NAT1: variants seen among roughly 807,000 people sequenced by gnomAD.
The protein encoded by NAT1 is arylamine N-acetyltransferase 1.
For synonymous variants in NAT1, 144 were observed against 122.6 expected, an observed-to-expected ratio of 1.17 and a Z score of -1.16; for missense variants, 400 against 339.2, an observed-to-expected ratio of 1.18 and a Z score of -1.41.
At chr8:18,186,838 A>G (rs1290931775) in intron 2 of NAT1, among the ~76,000 whole-genome samples, 1 of 152,234 alleles carries the variant, frequency 6.6e-6, no homozygotes, top group African/African-American at 2.4e-5. Flanking sequence ...AGCAAAAGAA[A>G]CTATCAATAG....
chr8:18,202,415 T>C (rs1462383547), intron 2 of NAT1, among the ~76,000 whole-genome samples: 1 of 152,192 alleles, frequency 6.6e-6, no homozygotes, highest in Non-Finnish European at 1.5e-5. Flanking sequence ...TATAAAGCTA[T>C]TGTGTCCGGA....
intron 2 of NAT1, among the ~76,000 whole-genome samples, chr8:18,199,658 T>A (rs1002639986): frequency 6.6e-5 from 10 of 152,164 alleles, no homozygotes; most frequent in African/African-American, 2.4e-4. Context: ...AGGAATTGCT[T>A]TGGACTCAGA....
At chr8:18,210,016 G>T (rs899524917), upstream of NAT1, 11 of 152,124 alleles carry the variant, frequency 7.2e-5, no homozygotes, top group Non-Finnish European at 1.5e-4. Flanking sequence ...CATTTCCCAG[G>T]GGCCCCTGGG....
chr8:18,188,685 A>T (rs1044912882), intron 2 of NAT1, among the ~76,000 whole-genome samples: 1 of 151,978 alleles, frequency 6.6e-6, no homozygotes, highest in Non-Finnish European at 1.5e-5. Context: ...ATTGATATGT[A>T]ATAGATATAC....
At chr8:18,179,165 C>A (rs1345550205) in intron 2 of NAT1, among the ~76,000 whole-genome samples, 1 of 152,088 alleles carries the variant, frequency 6.6e-6, no homozygotes, top group African/African-American at 2.4e-5. Flanking sequence ...GGTGTCTGTT[C>A]CTTGCCTAAA....
At chr8:18,213,750 T>G (rs913588617) in intron 1 of NAT1, among the ~76,000 whole-genome samples, 10 of 152,150 alleles carry the variant, frequency 6.6e-5, no homozygotes, top group Admixed American at 6.5e-4. Flanking sequence ...GTGTTGACAG[T>G]ACTGGATTGG....
At chr8:18,179,873 C>T (rs2157652) in intron 2 of NAT1, among the ~76,000 whole-genome samples, 1 of 152,088 alleles carries the variant, frequency 6.6e-6, no homozygotes, top group Non-Finnish European at 1.5e-5. Flanking sequence ...CTGCCTGCCT[C>T]TAATGATTTG....
rs1491542210 is a variant in NAT1 at position 18,193,454 on chromosome 8, CTA to C, written n.93-16326_93-16325del. 1.7e-3 allele frequency among the ~76,000 whole-genome samples: 206 copies of C among 123,452 alleles called. 2 individuals are homozygous for C. The highest frequency in any genetic ancestry group is 1.7e-3 in the Non-Finnish European group (97 of 58,404). 81.0% of individuals were successfully genotyped at this position (123,452 alleles called of 152,430 possible). ...CCTGGGTGAGAGAGTGAGACTCTGT[CTA>C]AAAAAAAAAATTTATATATATATGT... On this transcript the variant is annotated intron_variant and non_coding_transcript_variant, in intron 2 of 4. Transcript: ENST00000517441.
chr8:18,206,840 G>T (rs1803747477), upstream of NAT1, among the ~76,000 whole-genome samples: 1 of 151,996 alleles, frequency 6.6e-6, no homozygotes, highest in Non-Finnish European at 1.5e-5. Flanking sequence ...GGGCAGTATG[G>T]CCATTTTCAT....
chr8:18,205,852 G>T (rs1803692735), upstream of NAT1, among the ~76,000 whole-genome samples: 1 of 152,200 alleles, frequency 6.6e-6, no homozygotes, highest in African/African-American at 2.4e-5. Context: ...GGTGTGGCCA[G>T]GCTGGGGCCC....
intron 2 of NAT1, among the ~76,000 whole-genome samples, chr8:18,187,618 C>T (rs941594166): frequency 3.3e-5 from 5 of 151,972 alleles, no homozygotes; most frequent in African/African-American, 1.2e-4. Context: ...AAACCAAATA[C>T]AGCTGTTCCC....
chr8:18,222,750 G>A lies in NAT1; in HGVS notation c.703G>A (p.Val235Met). ...GACCCCAGATGGGGTTCACTGTTTG[G>A]TGGGCTTCACCCTCACCCATAGGAG... ...LQTPDGVHCL[V>M]GFTLTHRRFN... The change falls in exon 3 of 3, where the codon GTG (valine) becomes ATG (methionine). Residue 235 changes from valine to methionine, a missense_variant. Val to Met is a conservative substitution (Grantham distance 21). Transcript: ENST00000307719. The A allele has an allele frequency of 6.2e-7, 1 of 1,613,800 alleles. No homozygotes were observed.
chr8:18,188,549 T>C (rs542609914), intron 2 of NAT1, among the ~76,000 whole-genome samples: 17 of 152,266 alleles, frequency 1.1e-4, no homozygotes, highest in African/African-American at 3.9e-4. Context: ...AATTGGGAAA[T>C]AGGCATGTGG....
At chr8:18,203,878 T>C (rs2117301448) in intron 2 of NAT1, among the ~76,000 whole-genome samples, 1 of 152,270 alleles carries the variant, frequency 6.6e-6, no homozygotes, top group Non-Finnish European at 1.5e-5. Context: ...CACAGGTGAA[T>C]GCTGGCAGGA....
At chr8:18,178,843 C>T (rs1802392803) in intron 2 of NAT1, among the ~76,000 whole-genome samples, 1 of 152,076 alleles carries the variant, frequency 6.6e-6, no homozygotes, top group Admixed American at 6.6e-5. Flanking sequence ...TGTTCAAATT[C>T]TAGAGTTTAG....
At chr8:18,180,623 A>T (rs1177594209) in intron 2 of NAT1, among the ~76,000 whole-genome samples, 2 of 152,198 alleles carry the variant, frequency 1.3e-5, no homozygotes, top group African/African-American at 4.8e-5. Context: ...TTAAGATATG[A>T]TATAGTACAA....
upstream of NAT1, among the ~76,000 whole-genome samples, chr8:18,207,057 A>C (rs936860772): frequency 5.3e-5 from 8 of 152,142 alleles, no homozygotes; most frequent in African/African-American, 1.9e-4. Flanking sequence ...TATAAGGCTT[A>C]AGGAAGGGGT....
In NAT1 at chr8:18,181,364, T is replaced by G. The variant is rs560738690; in HGVS notation, n.92+10625T>G. Among the ~76,000 whole-genome samples the G allele has an allele frequency of 2.1e-3, 323 of 152,318 alleles. 1 individual carries two copies. Among genetic ancestry groups the G allele is most frequent in the Non-Finnish European group, 3.8e-3 (260 of 68,020 alleles). On this transcript the variant is annotated intron_variant and non_coding_transcript_variant, in intron 2 of 4. Transcript: ENST00000517441. ...AATCCCTATCAAAATAACCATGACA[T>G]TCTTCACAGAAATAGAAAAAAAATA...
At chr8:18,195,768 T>G (rs146981068) in intron 2 of NAT1, among the ~76,000 whole-genome samples, 335 of 152,292 alleles carry the variant, frequency 2.2e-3, no homozygotes, top group African/African-American at 7.6e-3. Context: ...TAGCATCAGC[T>G]GCACTCAGAG....
Sources: allele counts gnomAD v4.1 joint callset (sites outside exome capture counted in the v4.1 genomes callset), GRCh38; gene constraint gnomAD v4.1.1; transcripts MANE v1.5; gene names NCBI Gene and HGNC (gene_info 2026-07-23, HGNC 2026-07-21).